The following CADPS2 variants were observed in gnomAD, a reference collection of about 807,000 sequenced individuals.
The protein encoded by CADPS2 is calcium dependent secretion activator 2.
A neutral mutation model predicts 172.5 loss-of-function variants in CADPS2; 93 were observed. The ratio of observed to expected loss-of-function variants is 0.54; its 90% confidence interval spans 0.46 to 0.64. The LOEUF (loss-of-function observed/expected upper bound fraction) is 0.64. Among genes scored for constraint, CADPS2 ranks in the 30% least tolerant of loss-of-function variants. The pLI, the probability that CADPS2 is intolerant of heterozygous loss-of-function variation, is 0.00. For missense variants in CADPS2, 1,420 were observed against 1,565.9 expected, an observed-to-expected ratio of 0.91 and a Z score of 1.57; for synonymous variants, 546 against 555.2, an observed-to-expected ratio of 0.98 and a Z score of 0.23.
chr7:122,464,458 G>C (rs1376354457), intron 14 of CADPS2, among the ~76,000 whole-genome samples: 1 of 152,086 alleles, frequency 6.6e-6, no homozygotes, highest in East Asian at 1.9e-4. Flanking sequence ...CTAGGAGTTG[G>C]GGTTTATTTC....
chr7:122,621,388 T>A (rs1289712837), intron 5 of CADPS2, 93 bp downstream of exon 5: 1 of 845,090 alleles, frequency 1.2e-6, no homozygotes, highest in Non-Finnish European at 1.9e-6. Context: ...ATTACACTGT[T>A]TTAAATTCTA....
At chr7:122,639,017 T>C (rs2077340888) in intron 3 of CADPS2, among the ~76,000 whole-genome samples, 1 of 152,140 alleles carries the variant, frequency 6.6e-6, no homozygotes, top group Non-Finnish European at 1.5e-5. Flanking sequence ...TAAAGCGAAA[T>C]TTTCAGAGGC....
At position 122,367,853 on chromosome 7, in the gene CADPS2, TA is replaced by T. The variant is rs749680368; in HGVS notation, c.3388-6841del. On this transcript the variant is annotated intron_variant, in intron 25 of 29. Transcript: ENST00000449022. ...GGGTTGAGTTCCTTTCTGGAGGCTC[TA>T]GGGGAGAATTTGTTTTCTTCACTTT... Among the ~76,000 whole-genome samples the T allele has an allele frequency of 1.2e-3, 189 of 151,702 alleles. 1 individual carries two copies. The highest frequency in any genetic ancestry group is 2.3e-3 in the Non-Finnish European group (153 of 67,946).
intron 1 of CADPS2, among the ~76,000 whole-genome samples, chr7:122,803,985 A>C (rs1168320866): frequency 1.4e-5 from 2 of 146,336 alleles, no homozygotes; most frequent in African/African-American, 2.5e-5. Context: ...AAAAAAAAAA[A>C]AAAAAAAAAA....
chr7:122,329,868 A>G (rs1326598965), intron 28 of CADPS2, among the ~76,000 whole-genome samples: 2 of 152,176 alleles, frequency 1.3e-5, no homozygotes, highest in Admixed American at 6.6e-5. Context: ...CGGCTGCTTC[A>G]AGCAAATGAT....
intron 2 of CADPS2, among the ~76,000 whole-genome samples, chr7:122,664,949 G>A (rs1035713623): frequency 7.5e-6 from 1 of 133,212 alleles, no homozygotes; most frequent in Non-Finnish European, 1.6e-5. Flanking sequence ...TCATGCCTGG[G>A]CTAGTTTTTG....
At chr7:122,700,087 C>T (rs773857984) in intron 2 of CADPS2, among the ~76,000 whole-genome samples, 11 of 152,274 alleles carry the variant, frequency 7.2e-5, no homozygotes, top group Admixed American at 3.9e-4. Context: ...TGTGGACTCA[C>T]AAGCATAGTA....
At chr7:122,884,275 A>G (rs893405127) in intron 1 of CADPS2, among the ~76,000 whole-genome samples, 5 of 152,226 alleles carry the variant, frequency 3.3e-5, no homozygotes, top group African/African-American at 1.2e-4. Flanking sequence ...AACAATGACT[A>G]TTGAAGCTGA....
At chr7:122,618,261 T>C (rs765527828) in intron 5 of CADPS2, among the ~76,000 whole-genome samples, 24 of 152,168 alleles carry the variant, frequency 1.6e-4, no homozygotes, top group Admixed American at 1.6e-3. Flanking sequence ...GTTTTTTTGA[T>C]ACCATAAAAA....
At chr7:122,418,207 A>T (rs2048155979) in intron 17 of CADPS2, among the ~76,000 whole-genome samples, 1 of 152,150 alleles carries the variant, frequency 6.6e-6, no homozygotes, top group African/African-American at 2.4e-5. Flanking sequence ...TTGAGAGCCA[A>T]TTATGTGTCA....
intron 1 of CADPS2, among the ~76,000 whole-genome samples, chr7:122,754,638 G>A (rs752411763): frequency 5.3e-5 from 8 of 151,940 alleles, no homozygotes; most frequent in Admixed American, 3.3e-4. Context: ...CATCACGCCC[G>A]GCGAATTTTT....
chr7:122,683,536 G>A (rs1042813922), intron 2 of CADPS2, among the ~76,000 whole-genome samples: 3 of 152,036 alleles, frequency 2.0e-5, no homozygotes, highest in Non-Finnish European at 2.9e-5. Flanking sequence ...GGGGTACAAC[G>A]TGATGTTTTG....
In CADPS2 at chr7:122,530,923, T is replaced by C. The variant is rs549180495; in HGVS notation, c.1476-17608A>G. ...GGGACCTCCTGTGCTAGATGCTGGA[T>C]TGATTGTGAATGGGAAAGTGTTCAC... On this transcript the variant is annotated intron_variant, in intron 8 of 29. Transcript: ENST00000449022. Among the ~76,000 whole-genome samples, 4 of 152,272 alleles carry C rather than the reference T, an allele frequency of 2.6e-5. No homozygotes were observed. The South Asian group carries it at 8.3e-4, about 32-fold the overall frequency.
intron 27 of CADPS2, among the ~76,000 whole-genome samples, chr7:122,351,987 TTTAAGATA>T (rs1181459018): frequency 6.6e-6 from 1 of 152,148 alleles, no homozygotes; most frequent in African/African-American, 2.4e-5. Context: ...TGAATGATAG[TTTAAGATA>T]TTAGCCTGAA....
intron 1 of CADPS2, among the ~76,000 whole-genome samples, chr7:122,782,723 T>TTG (rs1307923395): frequency 6.6e-6 from 1 of 152,232 alleles, no homozygotes; most frequent in Non-Finnish European, 1.5e-5. Flanking sequence ...AAGAAAGTAT[T>TTG]TGGTCATCTG....
intron 1 of CADPS2, among the ~76,000 whole-genome samples, chr7:122,841,603 C>A (rs1810520171): frequency 6.6e-6 from 1 of 152,094 alleles, no homozygotes; most frequent in South Asian, 2.1e-4. Flanking sequence ...ACTAATTTTC[C>A]TCAAGCTTTG....
At chr7:122,856,628 C>A (rs897588813) in intron 1 of CADPS2, among the ~76,000 whole-genome samples, 1 of 151,940 alleles carries the variant, frequency 6.6e-6, no homozygotes, top group Non-Finnish European at 1.5e-5. Context: ...AATACTGGGG[C>A]CAGCAATGGC....
At chr7:122,382,380 A>G (rs1336388149) in intron 24 of CADPS2, 1 of 152,112 alleles carries the variant, frequency 6.6e-6, no homozygotes, top group African/African-American at 2.4e-5. Context: ...CAAAATAACA[A>G]TGGTTATTGT....
At chr7:122,654,901 G>A (rs1313204040) in intron 3 of CADPS2, among the ~76,000 whole-genome samples, 1 of 152,174 alleles carries the variant, frequency 6.6e-6, no homozygotes, top group Non-Finnish European at 1.5e-5. Flanking sequence ...TTCAAGGGAG[G>A]AAGTTAAAAT....
Sources: allele counts gnomAD v4.1 joint callset (sites outside exome capture counted in the v4.1 genomes callset), GRCh38; gene constraint gnomAD v4.1.1; transcripts MANE v1.5; gene names NCBI Gene and HGNC (gene_info 2026-07-23, HGNC 2026-07-21).